The following CADM1 variants were observed in gnomAD, a reference collection of about 807,000 sequenced individuals.
CADM1 encodes cell adhesion molecule 1.
A neutral mutation model predicts 53.1 loss-of-function variants in CADM1; 15 were observed. The observed-to-expected ratio is 0.28, with a 90% CI of 0.19 to 0.44. The LOEUF (loss-of-function observed/expected upper bound fraction) is 0.44. Among genes scored for constraint, CADM1 ranks in the 20% least tolerant of loss-of-function variants. The probability of loss-of-function intolerance (pLI) is 1.00; values close to 1 mark genes in which losing one functional copy is unlikely to be tolerated. For synonymous variants in CADM1, 281 were observed against 243.0 expected, an observed-to-expected ratio of 1.16 and a Z score of -1.45; for missense variants, 434 against 611.3, an observed-to-expected ratio of 0.71 and a Z score of 3.06.
chr11:115,503,336 C>A (rs996349433), intron 1 of CADM1, among the ~76,000 whole-genome samples: 1 of 152,214 alleles, frequency 6.6e-6, no homozygotes, highest in Non-Finnish European at 1.5e-5. Flanking sequence ...CGTGCAGAGC[C>A]GCCCCTGGGC....
intron 4 of CADM1, 123 bp from the exon 5 acceptor site, chr11:115,229,394 C>T (rs1013899836): frequency 2.3e-6 from 2 of 887,186 alleles, no homozygotes; most frequent in African/African-American, 1.6e-5. Flanking sequence ...ATGGCAGTTA[C>T]TTGGGATGAG....
intron 1 of CADM1, among the ~76,000 whole-genome samples, chr11:115,342,812 T>C (rs1351973946): frequency 6.6e-6 from 1 of 152,146 alleles, no homozygotes; most frequent in Non-Finnish European, 1.5e-5. Flanking sequence ...GACAAAGAAA[T>C]GTTCAACCTT....
At chr11:115,373,764 G>A (rs557896408) in intron 1 of CADM1, among the ~76,000 whole-genome samples, 3 of 152,182 alleles carry the variant, frequency 2.0e-5, no homozygotes, top group South Asian at 2.1e-4. Flanking sequence ...AGAATCACCT[G>A]TGGAAATTGT....
At position 115,504,354 on chromosome 11, in the gene CADM1, G is replaced by T. The variant is rs1382858234; in HGVS notation, c.41C>A (p.Ala14Glu). The T allele has an allele frequency of 1.9e-6, 3 of 1,548,522 alleles. No individual in the cohort carries two copies. The highest frequency in any genetic ancestry group is 2.6e-6 in the Non-Finnish European group (3 of 1,146,374). The change falls in exon 1 of 12, where the codon GCG becomes GAG. Residue 14 changes from alanine (A) to glutamate (E), a missense_variant. This residue lies in a region of CADM1 where 76 missense variants were observed against 59.8 expected (regional missense o/e 1.27). Coordinates refer to ENST00000331581, the MANE Select transcript of CADM1 (RefSeq NM_001301043.2). ...VVLPSGSQCA[A>E]AAAAAAPPGL... is the part of the protein sequence containing the mutation. ...GGGAGGCGCCGCCGCCGCCGCTGCCGCCGCACACTGGGATCCGCTCGGCAG... is the reference window on the plus strand; with the variant it reads ...GGGAGGCGCCGCCGCCGCCGCTGCCTCCGCACACTGGGATCCGCTCGGCAG...
chr11:115,262,367 C>T (rs193003835), intron 1 of CADM1, among the ~76,000 whole-genome samples: 96 of 152,236 alleles, frequency 6.3e-4, no homozygotes, highest in African/African-American at 2.2e-3. Flanking sequence ...TAAGTATGTT[C>T]GTCCCATAGA....
chr11:115,243,266 A>C (rs1435202451), intron 1 of CADM1, among the ~76,000 whole-genome samples: 1 of 152,252 alleles, frequency 6.6e-6, no homozygotes, highest in Non-Finnish European at 1.5e-5. Flanking sequence ...ATTTTCTAAA[A>C]TTGCTAAGGC....
chr11:115,316,121 T>C (rs1944661098), intron 1 of CADM1, among the ~76,000 whole-genome samples: 1 of 152,214 alleles, frequency 6.6e-6, no homozygotes, highest in African/African-American at 2.4e-5. Flanking sequence ...GATTTTGTCA[T>C]TTACTGGACT....
chr11:115,400,071 C>G (rs995616032), intron 1 of CADM1, among the ~76,000 whole-genome samples: 2 of 152,064 alleles, frequency 1.3e-5, no homozygotes, highest in Non-Finnish European at 2.9e-5. Context: ...AAGAATTGGT[C>G]GATACTAGGT....
chr11:115,429,537 C>A (rs178326), intron 1 of CADM1, among the ~76,000 whole-genome samples: 151,187 of 151,188 alleles, frequency 1, 75,593 homozygotes, highest in Middle Eastern at 1. Flanking sequence ...TCTGGGAAGC[C>A]GAGGTTGAGT....
chr11:115,385,043 C>T (rs1001461345), intron 1 of CADM1, among the ~76,000 whole-genome samples: 3 of 152,098 alleles, frequency 2.0e-5, no homozygotes, highest in Non-Finnish European at 2.9e-5. Context: ...ATGGATCACT[C>T]GCCTCCCTAT....
At chr11:115,214,483 T>A (rs1941091582) in intron 7 of CADM1, 125 bp downstream of exon 7, 1 of 926,252 alleles carries the variant, frequency 1.1e-6, no homozygotes, top group East Asian at 2.6e-5. Context: ...CAGGCTTCTT[T>A]AAGTTCTAGA....
At chr11:115,295,506 TTATATATATATATATATA>T (rs71066412) in intron 1 of CADM1, among the ~76,000 whole-genome samples, 20 of 55,038 alleles carry the variant, frequency 3.6e-4, no homozygotes, top group East Asian at 2.7e-3. Flanking sequence ...TCAAGATATT[TTATATATATATATATATA>T]TATATATATA....
chr11:115,223,374 A>G (rs1941476944), intron 5 of CADM1, among the ~76,000 whole-genome samples: 1 of 152,188 alleles, frequency 6.6e-6, no homozygotes, highest in South Asian at 2.1e-4. Context: ...AGATTTTTAG[A>G]TGCCAGCTTC....
intron 1 of CADM1, among the ~76,000 whole-genome samples, chr11:115,420,402 C>G (rs1270568093): frequency 2.6e-5 from 4 of 152,174 alleles, no homozygotes; most frequent in Non-Finnish European, 5.9e-5. Context: ...ATAATTGACT[C>G]AGTCTGTTTT....
intron 9 of CADM1, 64 bp from the exon 10 acceptor site, chr11:115,191,005 G>T: frequency 1.5e-6 from 2 of 1,328,186 alleles, no homozygotes; most frequent in South Asian, 2.5e-5. Context: ...AAACACTTAA[G>T]AACTGAGGAT....
At chr11:115,424,968 A>AC (rs1183034152) in intron 1 of CADM1, among the ~76,000 whole-genome samples, 1 of 152,212 alleles carries the variant, frequency 6.6e-6, no homozygotes, top group Non-Finnish European at 1.5e-5. Flanking sequence ...ATGTGACTAG[A>AC]CAAAAAGAGA....
intron 10 of CADM1, among the ~76,000 whole-genome samples, chr11:115,182,386 T>C (rs910806353): frequency 2.6e-5 from 4 of 152,220 alleles, no homozygotes; most frequent in African/African-American, 9.6e-5. Flanking sequence ...AGTGTTTCTT[T>C]TCTGGGACTA....
chr11:115,453,663 T>A (rs1331321112), intron 1 of CADM1, among the ~76,000 whole-genome samples: 1 of 152,116 alleles, frequency 6.6e-6, no homozygotes, highest in Non-Finnish European at 1.5e-5. Flanking sequence ...CACACCCAGC[T>A]AATTTTTGTA....
At chr11:115,415,014 C>A (rs1195115313) in intron 1 of CADM1, among the ~76,000 whole-genome samples, 5 of 152,142 alleles carry the variant, frequency 3.3e-5, no homozygotes, top group Admixed American at 1.3e-4. Context: ...CGACTTTAGA[C>A]TTGGATGAGG....
Sources: allele counts gnomAD v4.1 joint callset (sites outside exome capture counted in the v4.1 genomes callset), GRCh38; gene constraint gnomAD v4.1.1; regional missense constraint gnomAD v4.1.1; transcripts MANE v1.5; gene names NCBI Gene and HGNC (gene_info 2026-07-23, HGNC 2026-07-21).